TYMP: variants seen among roughly 807,000 people sequenced by gnomAD.
TYMP encodes the protein thymidine phosphorylase, also known as gliostatin.
In TYMP, 46 loss-of-function variants were observed where a neutral mutation model predicts 42.3. That is an observed-to-expected ratio of 1.09 (90% confidence interval 0.86 to 1.39). TYMP has a LOEUF of 1.39. Among genes scored for constraint, TYMP ranks in the 40% most tolerant of loss-of-function variants. The probability of loss-of-function intolerance (pLI) is 0.00; values close to 1 mark genes in which losing one functional copy is unlikely to be tolerated. For synonymous variants in TYMP, 363 were observed against 308.0 expected (o/e 1.18, Z -1.87); for missense variants, 837 against 677.6 (o/e 1.24, Z -2.61).
Position 50,526,014 on chromosome 22 carries a change from C to T in TYMP, c.1287G>A (p.Gln429=), listed in dbSNP as rs1603441803. The T allele has an allele frequency of 2.0e-6, 3 of 1,465,946 alleles. No individual in the cohort carries two copies. The highest frequency in any genetic ancestry group is 2.4e-5 in the Admixed American group (1 of 40,898). The allele number at this position is 1,465,946 out of a possible 1,614,324, so 90.8% of individuals were successfully genotyped here. Residue 429 remains glutamine (Q), a synonymous_variant, in exon 9 of 10, where the codon CAG becomes CAA. Transcript: ENST00000252029. ...GGCGGCGCTCACCACGGCGCAGCCT[C>T]TGACCCACGTCGACCAGCAGCTCTG... ...VGAELLVDVG[Q]RLRRGTPWLR...
chr22:50,526,977 CCAGCCTTGACCTCTAAAGTCA>C, intron 6 of TYMP, among the ~76,000 whole-genome samples, 167 bp downstream of exon 6: 1 of 152,354 alleles, frequency 6.6e-6, no homozygotes, highest in South Asian at 2.1e-4. Context: ...CCAGGCCGGG[CCAGCCTTGACCTCTAAAGTCA>C]CAGCAGGTTA....
rs1432468645 is a variant in TYMP at position 50,525,914 on chromosome 22, G to A, written c.1305C>T (p.Thr435=). 9 of 1,529,484 alleles carry A rather than the reference G, an allele frequency of 5.9e-6. No individual in the cohort carries two copies. The highest frequency in any genetic ancestry group is 2.1e-4 in the Middle Eastern group (1 of 4,728). 94.7% of individuals were successfully genotyped at this position (1,529,484 alleles called of 1,614,324 possible). ...CGTCCCGGTGCACGCGGAGCCAGGG[G>A]GTCCCTGCAGAGCGAGGGGCTGTTA... ...VDVGQRLRRG[T]PWLRVHRDGP... is the part of the protein sequence containing the mutation. The change falls in exon 10 of 10, where the codon ACC becomes ACT. Residue 435 remains threonine (T), a synonymous_variant. Coordinates refer to ENST00000252029, the MANE Select transcript of TYMP (RefSeq NM_001953.5).
At chr22:50,529,863 C>T in intron 1 of TYMP, 41 bp downstream of exon 1, 1 of 716,634 alleles carries the variant, frequency 1.4e-6, no homozygotes, top group Non-Finnish European at 2.3e-6. Flanking sequence ...TCCGTGTCTG[C>T]CTCCCGCTTC....
chr22:50,526,713 A>G lies in TYMP; in HGVS notation c.791T>C (p.Leu264Pro). ...GGCGGTCAGCGCTGCCGCGACCCGA[A>G]GCCCTAGGCTGGCTCCCACGCCAAC... is the stretch of plus-strand genomic sequence containing the variant. The part of the protein sequence containing the change: ...TLVGVGASLG[L>P]RVAAALTAMD... The change falls in exon 7 of 10, where the codon CTT (leucine) becomes CCT (proline). Residue 264 changes from leucine to proline, a missense_variant. Coordinates refer to ENST00000252029, the MANE Select transcript of TYMP (RefSeq NM_001953.5). 1 of 1,539,126 alleles carries G rather than the reference A, an allele frequency of 6.5e-7. No individual in the cohort carries two copies. Among genetic ancestry groups the G allele is most frequent in the Non-Finnish European group, 8.7e-7 (1 of 1,147,224 alleles).
chr22:50,527,448 G>T (rs1178725250), intron 5 of TYMP, 140 bp downstream of exon 5: 1 of 1,389,804 alleles, frequency 7.2e-7, no homozygotes, highest in East Asian at 2.3e-5. Flanking sequence ...CACCCCACAT[G>T]GTGGTGGTCA....
At chr22:50,526,882 G>T in intron 6 of TYMP, 144 bp from the exon 7 acceptor site, 1 of 892,936 alleles carries the variant, frequency 1.1e-6, no homozygotes, top group Non-Finnish European at 1.7e-6. Flanking sequence ...GAAGAGACAC[G>T]AGTGAAGTGC....
chr22:50,529,193 A>T lies in TYMP; in HGVS notation c.360T>A (p.Gly120=). ...GGACCAGGCTGACCTTGTCACCCAC[A>T]CCCCCTGTGGAATGCTTGTCCACAA... ...QQLVDKHSTG[G]VGDKVSLVLA... is the part of the protein sequence containing the mutation. Residue 120 remains glycine (G), a synonymous_variant, in exon 3 of 10, where the codon GGT becomes GGA. Coordinates refer to ENST00000252029, the MANE Select transcript of TYMP (RefSeq NM_001953.5). 6.2e-7 allele frequency: 1 copy of T among 1,613,140 alleles called. No individual in the cohort carries two copies. The highest frequency in any genetic ancestry group is 8.5e-7 in the Non-Finnish European group (1 of 1,179,976).
chr22:50,526,616 G>C lies in TYMP; in HGVS notation c.888C>G (p.Gly296=). Residue 296 remains glycine, a synonymous_variant, in exon 7 of 10, where the codon GGC becomes GGG. Transcript: ENST00000252029. Reference sequence around the variant, plus strand: ...GGTCCCTTAAGTCTGGCGGGCCTGCGCCGTCCATGCAGAGCAGCGCCTCCT... The same window carrying C: ...GGTCCCTTAAGTCTGGCGGGCCTGCCCCGTCCATGCAGAGCAGCGCCTCCT... ...EVEEALLCMD[G]AGPPDLRDLV... 6.3e-7 allele frequency: 1 copy of C among 1,578,396 alleles called. No homozygotes were observed.
At position 50,525,929 on chromosome 22, in the gene TYMP, AG is replaced by A; in HGVS notation, c.1301-12del. ...GGAGCCAGGGGGTCCCTGCAGAGCGAGGGGCTGTTAGAGGCCGCGCGGCCGG... is the reference window on the plus strand; with the variant it reads ...GGAGCCAGGGGGTCCCTGCAGAGCGAGGGCTGTTAGAGGCCGCGCGGCCGG... On this transcript the variant is annotated splice_polypyrimidine_tract_variant and intron_variant, in intron 9 of 9. Coordinates refer to ENST00000252029, the MANE Select transcript of TYMP (RefSeq NM_001953.5). 1 of 1,465,300 alleles carries A rather than the reference AG, an allele frequency of 6.8e-7. No homozygotes were observed. Among genetic ancestry groups the A allele is most frequent in the Non-Finnish European group, 9.0e-7 (1 of 1,112,740 alleles). 90.8% of individuals were successfully genotyped at this position (1,465,300 alleles called of 1,614,324 possible).
In TYMP at chr22:50,529,652, C is replaced by T. The variant is rs746978436; in HGVS notation, c.58G>A (p.Gly20Arg). ...GAPPAPGDFSGEGSQGLPDPS... is the reference protein window; with the variant it reads ...GAPPAPGDFSREGSQGLPDPS... The stretch of plus-strand genomic sequence containing the variant: ...TCGGGAAGTCCCTGGCTCCCTTCCC[C>T]GGAGAAGTCACCAGGCGCGGGTGGG... The change falls in exon 2 of 10, where the codon GGG becomes AGG. Residue 20 changes from glycine (G) to arginine (R), a missense_variant. Transcript: ENST00000252029. 13 of 1,612,296 alleles carry T rather than the reference C, an allele frequency of 8.1e-6. No individual in the cohort carries two copies. The African/African-American group carries it at 1.2e-4, about 15-fold the overall frequency.
chr22:50,526,240 G>T lies in TYMP; in HGVS notation c.1159+6C>A. 3 of 1,536,822 alleles carry T rather than the reference G, an allele frequency of 2.0e-6. No individual in the cohort carries two copies. The highest frequency in any genetic ancestry group is 1.7e-6 in the Non-Finnish European group (2 of 1,150,478). On this transcript the variant is annotated splice_donor_region_variant and intron_variant, in intron 8 of 9. Transcript: ENST00000252029. ...GCGGAAGGACGGGGACTCCCCCGAC[G>T]CTCACCATCTGCGGGCGCCAGCAGC...
rs1414577231 is a variant in TYMP, at chr22:50,527,585, C to A, written c.646+3G>T. ...GCAGAAGCAGGCCATGGAGTCAGGT[C>A]ACCTGTGATGAGTGGCAGGCTGTCC... is the stretch of plus-strand genomic sequence containing the variant. On this transcript the variant is annotated splice_donor_region_variant and intron_variant, in intron 5 of 9. Transcript: ENST00000252029. 1.9e-6 allele frequency: 3 copies of A among 1,613,840 alleles called. No homozygotes were observed. The highest frequency in any genetic ancestry group is 2.5e-6 in the Non-Finnish European group (3 of 1,180,032).
rs1349626175 is a variant in TYMP at position 50,525,992 on chromosome 22, G to A, written c.1300+9C>T. ...GGTGCGGGGCCAGCAGGGCGGGGGC[G>A]GCGCTCACCACGGCGCAGCCTCTGA... On this transcript the variant is annotated intron_variant, in intron 9 of 9. Coordinates refer to ENST00000252029, the MANE Select transcript of TYMP (RefSeq NM_001953.5). 6.4e-6 allele frequency: 9 copies of A among 1,409,504 alleles called. No individual in the cohort carries two copies. The East Asian group carries it at 1.5e-4, about 24-fold the overall frequency. 87.3% of individuals were successfully genotyped at this position (1,409,504 alleles called of 1,614,324 possible).
chr22:50,528,875 G>T, intron 3 of TYMP: 1 of 613,070 alleles, frequency 1.6e-6, no homozygotes. Flanking sequence ...GAGCTGTCTG[G>T]GGACCCAAGG....
Position 50,529,319 on chromosome 22 carries a change from G to A in TYMP, c.234C>T (p.Ile78=), listed in dbSNP as rs1410669683. 5 of 1,613,236 alleles carry A rather than the reference G, an allele frequency of 3.1e-6. No individual in the cohort carries two copies. In the African/African-American group the frequency reaches 4.0e-5, roughly 13 times the overall value. ...CCTCCAGATCCATGCCCCGAAGTCG[G>A]ATGGCCATCAGCATGGCCCCTGGTA... ...GAQIGAMLMA[I]RLRGMDLEET... Residue 78 remains isoleucine, a synonymous_variant, in exon 3 of 10, where the codon ATC becomes ATT. Coordinates refer to ENST00000252029, the MANE Select transcript of TYMP (RefSeq NM_001953.5).
At position 50,528,576 on chromosome 22, in the gene TYMP, G is replaced by A. The variant is rs2069478510; in HGVS notation, c.452C>T (p.Thr151Ile). The change falls in exon 4 of 10, where the codon ACA becomes ATA. Residue 151 changes from threonine to isoleucine, a missense_variant. By Grantham distance (89) the Thr-to-Ile change is moderately conservative. Transcript: ENST00000252029. ...PMISGRGLGHTGGTLDKLESI... is the reference protein window; with the variant it reads ...PMISGRGLGHIGGTLDKLESI... ...CTCCAGCTTATCCAAGGTGCCTCCT[G>A]TGTGCCCCAGACCACGTCCGCTGAT... 6.2e-7 allele frequency: 1 copy of A among 1,613,912 alleles called. No homozygotes were observed. The highest frequency in any genetic ancestry group is 8.5e-7 in the Non-Finnish European group (1 of 1,179,986).
Position 50,528,587 on chromosome 22 carries a change from A to C in TYMP, c.441T>G (p.Gly147=), listed in dbSNP as rs1293229719. ...GCKVPMISGR[G]LGHTGGTLDK... ...CCAAGGTGCCTCCTGTGTGCCCCAG[A>C]CCACGTCCGCTGATCATTGGCACCT... Residue 147 remains glycine (G), a synonymous_variant, in exon 4 of 10, where the codon GGT becomes GGG. Transcript: ENST00000252029. The C allele has an allele frequency of 6.2e-7, 1 of 1,613,672 alleles. No homozygotes were observed. The highest frequency in any genetic ancestry group is 8.5e-7 in the Non-Finnish European group (1 of 1,179,976).
rs1569522956 is a variant in TYMP, at chr22:50,529,476, GC to G, written c.214+19del. 1.9e-6 allele frequency: 3 copies of G among 1,611,230 alleles called. No individual in the cohort carries two copies. The highest frequency in any genetic ancestry group is 2.5e-6 in the Non-Finnish European group (3 of 1,179,460). ...TGACCTCCCAGTCGGGGTCAGGAAC[GC>G]CCAACCCTCCCCACGCACCGATCTG... is the stretch of plus-strand genomic sequence containing the variant. On this transcript the variant is annotated intron_variant, in intron 2 of 9. Coordinates refer to ENST00000252029, the MANE Select transcript of TYMP (RefSeq NM_001953.5).
Position 50,527,755 on chromosome 22 carries a change from A to G in TYMP, c.517-38T>C, listed in dbSNP as rs7289374. ...CCCCTGTTCTCAGTGACTTATGGTA[A>G]ATGACTTAGCAGCTTTTTTTTTTTT... On this transcript the variant is annotated intron_variant, in intron 4 of 9. Coordinates refer to ENST00000252029, the MANE Select transcript of TYMP (RefSeq NM_001953.5). 10,161 of 1,560,020 alleles carry G rather than the reference A, an allele frequency of 6.5e-3. 564 individuals are homozygous for G. In the African/African-American group the frequency reaches 0.12, roughly 18 times the overall value.
Sources: allele counts gnomAD v4.1 joint callset (sites outside exome capture counted in the v4.1 genomes callset), GRCh38; gene constraint gnomAD v4.1.1; transcripts MANE v1.5; gene names NCBI Gene and HGNC (gene_info 2026-07-23, HGNC 2026-07-21).